The following BRCA1 variants were observed in gnomAD, a reference collection of about 807,000 sequenced individuals.
BRCA1 encodes breast cancer type 1 susceptibility protein.
A neutral mutation model predicts 173.7 loss-of-function variants in BRCA1; 140 were observed. The ratio of observed to expected loss-of-function variants is 0.81; its 90% CI spans 0.70 to 0.93. The LOEUF is 0.93. Among genes scored for constraint, BRCA1 ranks in the 40% least tolerant of loss-of-function variants. The probability of loss-of-function intolerance (pLI) is 0.00; values close to 1 mark genes in which losing one functional copy is unlikely to be tolerated. For synonymous variants in BRCA1, 662 were observed against 756.0 expected (o/e 0.88, Z 2.04); for missense variants, 1,983 against 2,172.5 (o/e 0.91, Z 1.73).
At chr17:43,081,802 C>T (rs182009716) in intron 12 of BRCA1, among the ~76,000 whole-genome samples, 3 of 152,320 alleles carry the variant, frequency 2.0e-5, no homozygotes, top group African/African-American at 7.2e-5. Context: ...ACTCCAATGG[C>T]ATCCTCTCAG....
At chr17:43,096,685 T>C (rs2054154911) in intron 8 of BRCA1, among the ~76,000 whole-genome samples, 1 of 151,858 alleles carries the variant, frequency 6.6e-6, no homozygotes, top group African/African-American at 2.4e-5. Flanking sequence ...TTGAGAGATA[T>C]GTGGAAATAA....
chr17:43,165,442 C>A (rs192568490), intron 1 of BRCA1, among the ~76,000 whole-genome samples: 1 of 150,846 alleles, frequency 6.6e-6, no homozygotes, highest in Non-Finnish European at 1.5e-5. Flanking sequence ...ATTCTTTTAC[C>A]AAAGATATAT....
At chr17:43,128,553 C>A (rs1333717113), upstream of BRCA1, among the ~76,000 whole-genome samples, 2 of 150,990 alleles carry the variant, frequency 1.3e-5, no homozygotes, top group East Asian at 3.9e-4. Flanking sequence ...GGCCACGACT[C>A]CTCAGTAGAA....
intron 6 of BRCA1, among the ~76,000 whole-genome samples, chr17:43,101,299 T>C (rs1236625700): frequency 6.6e-6 from 1 of 150,528 alleles, no homozygotes; most frequent in Non-Finnish European, 1.5e-5. Context: ...TGGGTTCAAG[T>C]GATCCTCCCA....
rs1311672121 is a variant in BRCA1, at chr17:43,104,188, G to A, written c.375C>T (p.Ile125=). 1.2e-6 allele frequency: 2 copies of A among 1,613,898 alleles called. No individual in the cohort carries two copies. Among genetic ancestry groups the A allele is most frequent in the Non-Finnish European group, 1.7e-6 (2 of 1,179,946 alleles). The change falls in exon 6 of 23, where the codon ATC becomes ATT. Residue 125 remains isoleucine (I), a synonymous_variant. Coordinates refer to ENST00000357654, the MANE Select transcript of BRCA1 (RefSeq NM_007294.4). ...CACGGTTTCTGTAGCCCATACTTTG[G>A]ATGATAGAAACTTCATCTTTTAGAT... is the stretch of plus-strand genomic sequence containing the variant. The part of the protein sequence containing the change: ...PEHLKDEVSI[I]QSMGYRNRAK...
At chr17:43,155,730 G>T (rs1036389052) in intron 1 of BRCA1, among the ~76,000 whole-genome samples, 2 of 151,948 alleles carry the variant, frequency 1.3e-5, no homozygotes, top group Admixed American at 6.6e-5. Context: ...GGAAGGGGTT[G>T]CACCATGTTG....
chr17:43,092,731 GACCA>G lies in BRCA1; in HGVS notation c.2796_2799del (p.Gly933ArgfsTer66), dbSNP rs80357840. 6.2e-7 allele frequency: 1 copy of G among 1,614,024 alleles called. No individual in the cohort carries two copies. Among genetic ancestry groups the G allele is most frequent in the East Asian group, 2.2e-5 (1 of 44,882 alleles). On this transcript the variant is annotated frameshift_variant, in exon 10 of 23. Transcript: ENST00000357654. LOFTEE classifies it high-confidence loss of function. The stretch of plus-strand genomic sequence containing the variant: ...GCATTATCAACTGGCTTATCTTTCT[GACCA>G]ACCACAGGAAAGCCTGCAGTGATAT...
rs143160357 is a variant in BRCA1 at position 43,125,337 on chromosome 17, G to A, written c.-86C>T. 365 of 445,956 alleles carry A rather than the reference G, an allele frequency of 8.2e-4. 3 individuals carry two copies. The highest frequency in any genetic ancestry group is 3.4e-3 in the Middle Eastern group (10 of 2,910). 27.6% of individuals were successfully genotyped at this position (445,956 alleles called of 1,614,324 possible). ...GCCCAGTTATCTGAGAAACCCCACA[G>A]CCTGTCCCCCGTCCAGGAAGTCTCA... is the stretch of plus-strand genomic sequence containing the variant. On this transcript the variant is annotated 5_prime_UTR_variant, in exon 1 of 23. Transcript: ENST00000357654.
At position 43,093,303 on chromosome 17, in the gene BRCA1, T is replaced by G. The variant is rs1567796489; in HGVS notation, c.2228A>C (p.Asn743Thr). Reference sequence around the variant, plus strand: ...CATGAGATCTTTGGGGTCTTCAGCATTATTAGACACTTTAACTGTTTCTAG... The same window carrying G: ...CATGAGATCTTTGGGGTCTTCAGCAGTATTAGACACTTTAACTGTTTCTAG... ...EKLETVKVSN[N>T]AEDPKDLMLS... The change falls in exon 10 of 23, where the codon AAT becomes ACT. Residue 743 changes from asparagine (N) to threonine (T), a missense_variant. Physicochemically the swap from Asn to Thr is moderately conservative, Grantham distance 65. Transcript: ENST00000357654. 6.2e-7 allele frequency: 1 copy of G among 1,614,088 alleles called. No homozygotes were observed. Among genetic ancestry groups the G allele is most frequent in the Non-Finnish European group, 8.5e-7 (1 of 1,179,982 alleles).
In BRCA1 at chr17:43,093,933, T is replaced by C. The variant is rs786204263; in HGVS notation, c.1598A>G (p.Asn533Ser). The part of the protein sequence containing the change: ...LAVQKTPEMI[N>S]QGTNQTEQNG... ...CTGCTCCGTTTGGTTAGTTCCCTGA[T>C]TTATCATTTCAGGAGTCTTTTGAAC... The change falls in exon 10 of 23, where the codon AAT becomes AGT. Residue 533 changes from asparagine to serine, a missense_variant. Coordinates refer to ENST00000357654, the MANE Select transcript of BRCA1 (RefSeq NM_007294.4). The C allele has an allele frequency of 3.7e-6, 6 of 1,613,946 alleles. No individual in the cohort carries two copies. Among genetic ancestry groups the C allele is most frequent in the Non-Finnish European group, 5.1e-6 (6 of 1,179,928 alleles).
intron 1 of BRCA1, among the ~76,000 whole-genome samples, chr17:43,135,134 C>G (rs1554064): frequency 0.13 from 20,522 of 152,294 alleles, 4,369 homozygotes; most frequent in African/African-American, 0.45. Flanking sequence ...CTGCTAGTTC[C>G]TAACCCACGC....
At position 43,092,919 on chromosome 17, in the gene BRCA1, G is replaced by A. The variant is rs799917; in HGVS notation, c.2612C>T (p.Pro871Leu). 606,755 of 1,613,362 alleles carry A rather than the reference G, an allele frequency of 0.38. 124,333 individuals are homozygous for A. The highest frequency in any genetic ancestry group is 0.82 in the African/African-American group (61,491 of 74,998). ...TTCTGCATTTCCTGGATTTGAAAAC[G>A]GAGCAAATGACTGGCGCTTTGAAAC... ...FKVSKRQSFAPFSNPGNAEEE... is the reference protein window; with the variant it reads ...FKVSKRQSFALFSNPGNAEEE... Residue 871 changes from proline (P) to leucine (L), a missense_variant, in exon 10 of 23, where the codon CCG becomes CTG. Transcript: ENST00000357654.
At chr17:43,060,103 T>C (rs1383455383) in intron 18 of BRCA1, among the ~76,000 whole-genome samples, 1 of 151,890 alleles carries the variant, frequency 6.6e-6, no homozygotes, top group Non-Finnish European at 1.5e-5. Flanking sequence ...GGAGTTTCAC[T>C]CTTGTTGCCC....
intron 13 of BRCA1, 21 bp downstream of exon 13, chr17:43,076,467 C>G (rs772578738): frequency 1.2e-6 from 2 of 1,612,606 alleles, no homozygotes; most frequent in Admixed American, 1.7e-5. Flanking sequence ...ACCACAGCAT[C>G]TTTACATTGA....
chr17:43,097,268 G>A lies in BRCA1; in HGVS notation c.569C>T (p.Thr190Ile), dbSNP rs1323835354. 1 of 1,613,612 alleles carries A rather than the reference G, an allele frequency of 6.2e-7. No homozygotes were observed. The highest frequency in any genetic ancestry group is 1.1e-5 in the South Asian group (1 of 90,968). ...IELGSDSSEDTVNKATYCSVG... is the reference protein window; with the variant it reads ...IELGSDSSEDIVNKATYCSVG... ...CCTGCAATAAGTTGCCTTATTAACGGTATCTTCAGAAGAATCAGATCCTAA... is the reference window on the plus strand; with the variant it reads ...CCTGCAATAAGTTGCCTTATTAACGATATCTTCAGAAGAATCAGATCCTAA... The change falls in exon 8 of 23, where the codon ACC becomes ATC. Residue 190 changes from threonine to isoleucine, a missense_variant. Physicochemically the swap from Thr to Ile is moderately conservative, Grantham distance 89. Coordinates refer to ENST00000357654, the MANE Select transcript of BRCA1 (RefSeq NM_007294.4).
intron 6 of BRCA1, among the ~76,000 whole-genome samples, chr17:43,100,609 C>CATATATATAACATATATATGTTATAT (rs2054370630): frequency 1.5e-5 from 1 of 65,758 alleles, no homozygotes; most frequent in African/African-American, 6.7e-5. Context: ...ATATATATAA[C>CATATATATAACATATATATGTTATAT]ATATATATAA....
chr17:43,068,863 C>A (rs1010111163), intron 15 of BRCA1, among the ~76,000 whole-genome samples: 2 of 152,094 alleles, frequency 1.3e-5, no homozygotes, highest in Non-Finnish European at 2.9e-5. Context: ...TGTTCTTCCC[C>A]AAAGAAATTT....
intron 16 of BRCA1, 116 bp downstream of exon 16, chr17:43,067,492 G>A (rs2052144936): frequency 9.0e-6 from 7 of 780,334 alleles, no homozygotes; most frequent in South Asian, 5.7e-5. Flanking sequence ...CTAATCTCGT[G>A]ATCTGCCCGC....
At chr17:43,057,602 G>A (rs775676944) in intron 18 of BRCA1, among the ~76,000 whole-genome samples, 44 of 151,990 alleles carry the variant, frequency 2.9e-4, no homozygotes, top group Non-Finnish European at 5.0e-4. Context: ...TTGGGAGGCC[G>A]AGACAGGCGG....
Sources: gnomAD v4.1 joint callset for allele counts (sites outside exome capture counted in the v4.1 genomes callset) on GRCh38, gnomAD v4.1.1 for gene constraint, MANE v1.5 for transcripts, NCBI Gene and HGNC (gene_info 2026-07-23, HGNC 2026-07-21) for gene names.